CSMD3: variants seen among roughly 807,000 people sequenced by gnomAD.
The protein encoded by CSMD3 is CUB and Sushi multiple domains 3.
Under a neutral mutation model 435.2 loss-of-function variants are expected in CSMD3, and 177 were observed. The observed-to-expected ratio is 0.41, with a 90% CI of 0.36 to 0.46. The LOEUF (loss-of-function observed/expected upper bound fraction) is 0.46, where lower values mean the gene tolerates loss of function less well. Among genes scored for constraint, CSMD3 ranks in the 20% least tolerant of loss-of-function variants. The pLI is 0.34. For synonymous variants in CSMD3, 1,656 were observed against 1,520.5 expected, an observed-to-expected ratio of 1.09 and a Z score of -2.07; for missense variants, 4,265 against 4,504.6, an observed-to-expected ratio of 0.95 and a Z score of 1.52.
At chr8:112,759,975 G>A (rs769036304) in intron 13 of CSMD3, among the ~76,000 whole-genome samples, 3 of 151,984 alleles carry the variant, frequency 2.0e-5, no homozygotes, top group Non-Finnish European at 2.9e-5. Context: ...TTCCAGGTTT[G>A]GAAACTGAGG....
chr8:112,722,050 T>G (rs537135505), intron 13 of CSMD3, among the ~76,000 whole-genome samples: 1 of 151,890 alleles, frequency 6.6e-6, no homozygotes, highest in African/African-American at 2.4e-5. Flanking sequence ...TTAAGCCCAT[T>G]ATATGAAAAA....
At chr8:112,916,221 T>C (rs367650617) in intron 10 of CSMD3, among the ~76,000 whole-genome samples, 9 of 152,004 alleles carry the variant, frequency 5.9e-5, no homozygotes, top group African/African-American at 1.7e-4. Context: ...AGGCAAAATG[T>C]ATAGAATGTA....
chr8:112,501,524 A>C (rs1323899573), intron 30 of CSMD3, among the ~76,000 whole-genome samples: 3 of 152,248 alleles, frequency 2.0e-5, no homozygotes, highest in African/African-American at 4.8e-5. Context: ...GCAACTTCCA[A>C]GTTTAACAAA....
chr8:112,682,680 T>C (rs1473147342), intron 15 of CSMD3, 44 bp from the exon 16 acceptor site: 1 of 1,267,926 alleles, frequency 7.9e-7, no homozygotes. Flanking sequence ...CAAACAACAT[T>C]AGCCAGAGAG....
Position 113,219,966 on chromosome 8 carries a change from C to G in CSMD3, c.515-46050G>C, listed in dbSNP as rs920034525. On this transcript the variant is annotated intron_variant, in intron 3 of 70. Transcript: ENST00000297405. ...ATTACAAATTCTTTAGAAAATTGGG[C>G]AAAATCATAAACACACAATTCAATA... Among the ~76,000 whole-genome samples, 6 of 151,314 alleles carry G rather than the reference C, an allele frequency of 4.0e-5. 1 individual carries two copies. In the Admixed American group the frequency reaches 4.0e-4, roughly 10 times the overall value.
intron 17 of CSMD3, 58 bp from the exon 18 acceptor site, chr8:112,656,399 A>G (rs1325590235): frequency 3.7e-6 from 5 of 1,340,050 alleles, no homozygotes; most frequent in East Asian, 2.4e-5. Flanking sequence ...ATATGGAAAT[A>G]ATGCTTTGGA....
At position 112,228,761 on chromosome 8, in the gene CSMD3, T is replaced by C; in HGVS notation, c.10959A>G (p.Lys3653=). The C allele has an allele frequency of 1.3e-6, 2 of 1,598,122 alleles. No homozygotes were observed. Among genetic ancestry groups the C allele is most frequent in the South Asian group, 1.1e-5 (1 of 90,748 alleles). The change falls in exon 70 of 71, where the codon AAA becomes AAG. Residue 3653 remains lysine, a synonymous_variant. Coordinates refer to ENST00000297405, the MANE Select transcript of CSMD3 (RefSeq NM_198123.2). Reference sequence around the variant, plus strand: ...TTAAAAATCAATGAGCTTACCTTTGTTTATAAAGATAAAATCCAAATCCTG... The same window carrying C: ...TTAAAAATCAATGAGCTTACCTTTGCTTATAAAGATAAAATCCAAATCCTG... The part of the protein sequence containing the change: ...IFAGFGFYLY[K]QRTAPKTQYT...
At chr8:112,427,882 T>A (rs1339180173) in intron 32 of CSMD3, among the ~76,000 whole-genome samples, 1 of 152,182 alleles carries the variant, frequency 6.6e-6, no homozygotes, top group Non-Finnish European at 1.5e-5. Flanking sequence ...GTAAGTAAAG[T>A]TCCTGTGTAC....
rs865873604 is a variant in CSMD3, at chr8:112,756,966, A to G, written c.1972+43196T>C. Reference sequence around the variant, plus strand: ...GTATTTTTAGTAGAGACGAGGTTTCACCATGTTGGCCATGCTGGTCTCAAA... The same window carrying G: ...GTATTTTTAGTAGAGACGAGGTTTCGCCATGTTGGCCATGCTGGTCTCAAA... On this transcript the variant is annotated intron_variant, in intron 13 of 70. Coordinates refer to ENST00000297405, the MANE Select transcript of CSMD3 (RefSeq NM_198123.2). Among the ~76,000 whole-genome samples the G allele has an allele frequency of 7.2e-5, 11 of 152,094 alleles. No homozygotes were observed. The South Asian group carries it at 2.1e-3, about 29-fold the overall frequency.
intron 22 of CSMD3, among the ~76,000 whole-genome samples, chr8:112,622,298 T>G (rs558253818): frequency 6.6e-6 from 1 of 152,290 alleles, no homozygotes; most frequent in African/African-American, 2.4e-5. Flanking sequence ...ATGTATGGGG[T>G]ATTAGAACCC....
chr8:112,752,742 C>T (rs1323190784), intron 13 of CSMD3, among the ~76,000 whole-genome samples: 1 of 151,896 alleles, frequency 6.6e-6, no homozygotes, highest in Non-Finnish European at 1.5e-5. Flanking sequence ...TATATATTCT[C>T]TAAAAATAAA....
At chr8:113,035,547 A>T (rs1433092493) in intron 5 of CSMD3, among the ~76,000 whole-genome samples, 2 of 152,008 alleles carry the variant, frequency 1.3e-5, no homozygotes, top group Non-Finnish European at 2.9e-5. Context: ...CATGAGGTAA[A>T]TATTTAATAT....
intron 33 of CSMD3, 140 bp downstream of exon 33, chr8:112,408,779 T>C (rs1832077175): frequency 7.2e-7 from 1 of 1,390,896 alleles, no homozygotes; most frequent in African/African-American, 1.5e-5. Context: ...TTTCTATTCT[T>C]TAGAAAAAAA....
chr8:112,302,429 A>T (rs907772945), intron 52 of CSMD3, among the ~76,000 whole-genome samples: 8 of 152,054 alleles, frequency 5.3e-5, no homozygotes, highest in African/African-American at 1.9e-4. Flanking sequence ...CAAGAACTCT[A>T]TCGTTTGAGT....
At chr8:112,275,708 C>T (rs1817979190) in intron 59 of CSMD3, among the ~76,000 whole-genome samples, 1 of 152,132 alleles carries the variant, frequency 6.6e-6, no homozygotes, top group Non-Finnish European at 1.5e-5. Context: ...ATAAAATCAT[C>T]AGATCTTGTG....
intron 70 of CSMD3, among the ~76,000 whole-genome samples, chr8:112,228,339 T>C (rs1812771858): frequency 6.6e-6 from 1 of 152,148 alleles, no homozygotes; most frequent in Non-Finnish European, 1.5e-5. Context: ...CAGTTAGTAT[T>C]TTTGTGTGAA....
At chr8:112,684,602 G>A (rs1246850012) in intron 15 of CSMD3, among the ~76,000 whole-genome samples, 1 of 152,018 alleles carries the variant, frequency 6.6e-6, no homozygotes, top group African/African-American at 2.4e-5. Flanking sequence ...AGAAGCATTA[G>A]TATCTAAGTG....
intron 6 of CSMD3, 115 bp downstream of exon 6, chr8:113,018,952 T>C: frequency 2.6e-6 from 2 of 757,542 alleles, no homozygotes; most frequent in East Asian, 5.2e-5. Flanking sequence ...ACCATTTTTT[T>C]CAATACAAAT....
At chr8:112,919,319 G>A (rs1207576421) in intron 10 of CSMD3, among the ~76,000 whole-genome samples, 4 of 151,736 alleles carry the variant, frequency 2.6e-5, no homozygotes, top group Non-Finnish European at 4.4e-5. Flanking sequence ...ATTCAAGTCA[G>A]TAGAGAGCTG....
Sources: gnomAD v4.1 joint callset for allele counts (sites outside exome capture counted in the v4.1 genomes callset) on GRCh38, gnomAD v4.1.1 for gene constraint, MANE v1.5 for transcripts, NCBI Gene and HGNC (gene_info 2026-07-23, HGNC 2026-07-21) for gene names.